The following CHKA variants were observed in gnomAD, a reference collection of about 807,000 sequenced individuals.
CHKA encodes the protein CHETK-alpha.
Under a neutral mutation model 60.1 loss-of-function variants are expected in CHKA, and 34 were observed. The ratio of observed to expected loss-of-function variants is 0.57; its 90% CI spans 0.43 to 0.75. CHKA has a LOEUF of 0.75. CHKA is among the 30% of genes least tolerant of loss of function. CHKA has a pLI of 0.00. For missense variants in CHKA, 563 were observed against 561.3 expected (o/e 1.00, Z -0.03); for synonymous variants, 217 against 223.1 (o/e 0.97, Z 0.24).
chr11:68,101,638 G>A lies in CHKA; in HGVS notation c.351-4508C>T, dbSNP rs542333623. ...GAATGGAAATCAAGAAAACAATCCT[G>A]TTTACAATAGCTAACAAAAAAAAAA... On this transcript the variant is annotated intron_variant, in intron 1 of 11. Transcript: ENST00000265689. 2.7e-5 allele frequency among the ~76,000 whole-genome samples: 4 copies of A among 149,314 alleles called. No individual in the cohort carries two copies. The East Asian group carries it at 7.9e-4, about 29-fold the overall frequency.
At chr11:68,078,979 G>C (rs1431106077) in intron 3 of CHKA, among the ~76,000 whole-genome samples, 1 of 151,994 alleles carries the variant, frequency 6.6e-6, no homozygotes, top group East Asian at 1.9e-4. Context: ...GATAGCCCAG[G>C]CTGGAGTGCA....
At position 68,053,640 on chromosome 11, in the gene CHKA, T is replaced by C; in HGVS notation, c.*348A>G. 2 of 241,384 alleles carry C rather than the reference T, an allele frequency of 8.3e-6. No individual in the cohort carries two copies. The highest frequency in any genetic ancestry group is 1.3e-4 in the South Asian group (2 of 15,226). The allele number at this position is 241,384 out of a possible 1,614,324, so 15.0% of individuals were successfully genotyped here. On this transcript the variant is annotated 3_prime_UTR_variant, in exon 12 of 12. Coordinates refer to ENST00000265689, the MANE Select transcript of CHKA (RefSeq NM_001277.3). ...AAATTTAAATCAACATTAACCAAAG[T>C]ACCTGCAAGTAACACTGCTTACTCT... is the stretch of plus-strand genomic sequence containing the variant.
chr11:68,106,381 T>C (rs1473550184), intron 1 of CHKA, among the ~76,000 whole-genome samples: 1 of 151,952 alleles, frequency 6.6e-6, no homozygotes, highest in African/African-American at 2.4e-5. Flanking sequence ...CAAGACTCGA[T>C]CTCTACAATT....
chr11:68,110,876 T>C (rs1590883223), intron 1 of CHKA, among the ~76,000 whole-genome samples: 1 of 151,112 alleles, frequency 6.6e-6, no homozygotes, highest in African/African-American at 2.4e-5. Context: ...CATGCACCTA[T>C]AATCCCAGCT....
chr11:68,055,645 G>A (rs940111281), intron 11 of CHKA, among the ~76,000 whole-genome samples: 2 of 152,180 alleles, frequency 1.3e-5, no homozygotes, highest in African/African-American at 2.4e-5. Flanking sequence ...GTATCGCAAT[G>A]AGGCTTTGAT....
chr11:68,089,489 T>C (rs1007227046), intron 2 of CHKA, among the ~76,000 whole-genome samples: 2 of 152,108 alleles, frequency 1.3e-5, no homozygotes, highest in African/African-American at 4.8e-5. Flanking sequence ...ATGCTGGAAG[T>C]GATATGAAGG....
chr11:68,106,543 C>G (rs559530293), intron 1 of CHKA, among the ~76,000 whole-genome samples: 1 of 151,552 alleles, frequency 6.6e-6, no homozygotes, highest in East Asian at 1.9e-4. Context: ...ACACAAAAAC[C>G]CTGCCTCCAA....
In CHKA at chr11:68,097,004, A is replaced by T. The variant is rs1019950605; in HGVS notation, c.462+15T>A. The T allele has an allele frequency of 2.5e-6, 4 of 1,588,460 alleles. No individual in the cohort carries two copies. The highest frequency in any genetic ancestry group is 3.4e-6 in the Non-Finnish European group (4 of 1,159,542). On this transcript the variant is annotated intron_variant, in intron 2 of 11. Coordinates refer to ENST00000265689, the MANE Select transcript of CHKA (RefSeq NM_001277.3). Reference sequence around the variant, plus strand: ...TAACAGGATCCCCCCCTCCCAAAGTAGCCTACCAACTCACCATCTGCAAAA... The same window carrying T: ...TAACAGGATCCCCCCCTCCCAAAGTTGCCTACCAACTCACCATCTGCAAAA...
rs1344996635 is a variant in CHKA, at chr11:68,053,092, GC to G, written c.*895del. 6.6e-6 allele frequency: 1 copy of G among 152,492 alleles called. No homozygotes were observed. The highest frequency in any genetic ancestry group is 1.5e-5 in the Non-Finnish European group (1 of 68,080). 9.4% of individuals were successfully genotyped at this position (152,492 alleles called of 1,614,324 possible). On this transcript the variant is annotated 3_prime_UTR_variant, in exon 12 of 12. Transcript: ENST00000265689. ...GTCAGGGGCATCAGGAAAGGTAAGGGCCGGGAAACCGGGCCCTTGGAGAACC... is the reference window on the plus strand; with the variant it reads ...GTCAGGGGCATCAGGAAAGGTAAGGGCGGGAAACCGGGCCCTTGGAGAACC...
intron 1 of CHKA, among the ~76,000 whole-genome samples, chr11:68,119,885 C>T (rs1318755090): frequency 6.6e-6 from 1 of 152,082 alleles, no homozygotes; most frequent in African/African-American, 2.4e-5. Context: ...AATACCTACA[C>T]GCGTACTTCT....
At chr11:68,058,946 G>C (rs957843997) in intron 11 of CHKA, among the ~76,000 whole-genome samples, 6 of 152,154 alleles carry the variant, frequency 3.9e-5, no homozygotes, top group Admixed American at 1.3e-4. Flanking sequence ...GCCCAGGCTG[G>C]AGTGCAGTGG....
intron 11 of CHKA, among the ~76,000 whole-genome samples, chr11:68,056,876 C>G (rs1856038002): frequency 6.6e-6 from 1 of 152,054 alleles, no homozygotes; most frequent in Non-Finnish European, 1.5e-5. Context: ...GGTAAACTTA[C>G]GTGTTTCCCT....
At chr11:68,087,248 G>A (rs572687402) in intron 2 of CHKA, among the ~76,000 whole-genome samples, 3 of 152,146 alleles carry the variant, frequency 2.0e-5, no homozygotes, top group East Asian at 1.9e-4. Context: ...GGGAGGTTGA[G>A]GGGGGCGGAT....
intron 6 of CHKA, 92 bp from the exon 7 acceptor site, chr11:68,069,029 C>T (rs1210833178): frequency 4.4e-5 from 40 of 911,986 alleles, no homozygotes; most frequent in Non-Finnish European, 6.6e-5. Flanking sequence ...CAAATTCGTG[C>T]TCCAAAGCAA....
rs1294306862 is a variant in CHKA at position 68,070,983 on chromosome 11, C to T, written c.631-126G>A. On this transcript the variant is annotated intron_variant, in intron 4 of 11. Transcript: ENST00000265689. ...TAAGTCTCACCCAATGCCCCAAATT[C>T]CCTTAAGAATGGACACTGTGTCCCT... The T allele has an allele frequency of 3.4e-6, 3 of 878,400 alleles. No individual in the cohort carries two copies. In the South Asian group the frequency reaches 5.7e-5, roughly 17 times the overall value. 54.4% of individuals were successfully genotyped at this position (878,400 alleles called of 1,614,324 possible). A position where few individuals can be genotyped will look rare whatever the true frequency, so the allele number is the denominator to read the frequency against.
intron 7 of CHKA, 74 bp from the exon 8 acceptor site, chr11:68,066,590 G>A: frequency 1.8e-6 from 2 of 1,136,168 alleles, no homozygotes; most frequent in Middle Eastern, 2.0e-4. Flanking sequence ...AGAGCCGAGA[G>A]AATGGATTTG....
Position 68,064,559 on chromosome 11 carries a change from T to C in CHKA, c.1198A>G (p.Ile400Val). 2.5e-6 allele frequency: 4 copies of C among 1,580,878 alleles called. No homozygotes were observed. In the South Asian group the frequency reaches 3.6e-5, roughly 14 times the overall value. The change falls in exon 10 of 12, where the codon ATT (isoleucine) becomes GTT (valine). Residue 400 changes from isoleucine to valine, a missense_variant. Transcript: ENST00000265689. ...TCAAGCAACATTTCTTCTTTTATAA[T>C]GGATTTTTCTTCAGTACTGAGGTTT... ...FENLSTEEKS[I>V]IKEEMLLEVN... is the part of the protein sequence containing the mutation.
intron 3 of CHKA, among the ~76,000 whole-genome samples, chr11:68,080,187 T>G (rs931020076): frequency 6.6e-6 from 1 of 152,244 alleles, no homozygotes; most frequent in Admixed American, 6.5e-5. Flanking sequence ...ACCCAAGGAC[T>G]TCCCAGTCAC....
chr11:68,062,301 T>G (rs1248129651), intron 10 of CHKA, among the ~76,000 whole-genome samples: 1 of 152,232 alleles, frequency 6.6e-6, no homozygotes, highest in African/African-American at 2.4e-5. Context: ...AAATGCCACT[T>G]GGCCATAATA....
Sources: allele counts gnomAD v4.1 joint callset (sites outside exome capture counted in the v4.1 genomes callset), GRCh38; gene constraint gnomAD v4.1.1; transcripts MANE v1.5; gene names NCBI Gene and HGNC (gene_info 2026-07-23, HGNC 2026-07-21).